C2orf66: variants seen among roughly 807,000 people sequenced by gnomAD.
C2orf66 encodes uncharacterized protein C2orf66.
Under a neutral mutation model 7.0 loss-of-function variants are expected in C2orf66, and 6 were observed. That is an observed-to-expected ratio of 0.86 (90% CI 0.47 to 1.69). The LOEUF (loss-of-function observed/expected upper bound fraction) is 1.69, where lower values mean the gene tolerates loss of function less well. Ranked by LOEUF, C2orf66 falls within the 40% of genes most tolerant of loss-of-function variation. C2orf66 has a pLI of 0.01. For missense variants in C2orf66, 107 were observed against 112.0 expected, an observed-to-expected ratio of 0.96 and a Z score of 0.20; for synonymous variants, 38 against 43.8, an observed-to-expected ratio of 0.87 and a Z score of 0.52.
At chr2:196,815,534 T>C in the C2orf66 span, among the ~76,000 whole-genome samples, 3 of 152,180 alleles carry the variant, frequency 2.0e-5, no homozygotes, top group African/African-American at 7.2e-5. Flanking sequence ...AAGGGTGTGG[T>C]AGCAGGCAAA....
At chr2:196,827,417 A>C in the C2orf66 span, among the ~76,000 whole-genome samples, 1 of 151,982 alleles carries the variant, frequency 6.6e-6, no homozygotes, top group African/African-American at 2.4e-5. Context: ...TCTTAACATA[A>C]ATTCTTTTTT....
the C2orf66 span, among the ~76,000 whole-genome samples, chr2:196,829,073 A>G: frequency 6.6e-6 from 1 of 152,190 alleles, no homozygotes; most frequent in Non-Finnish European, 1.5e-5. Context: ...ATATATGTAT[A>G]TATACATACA....
At chr2:196,806,503 G>C (rs1387922508) in intron 2 of C2orf66, among the ~76,000 whole-genome samples, 2 of 151,472 alleles carry the variant, frequency 1.3e-5, no homozygotes, top group African/African-American at 4.8e-5. Context: ...GGCCAATCAT[G>C]CTTGTTCTTT....
chr2:196,811,506 G>C (rs1040563517), upstream of C2orf66, among the ~76,000 whole-genome samples: 4 of 152,158 alleles, frequency 2.6e-5, 1 homozygote, highest in Admixed American at 2.0e-4. Flanking sequence ...CTACGGGGAG[G>C]GGGGCTAAGG....
rs556620671 is a variant in C2orf66 at position 196,806,283 on chromosome 2, C to T, written c.*20-875G>A. 5.9e-5 allele frequency among the ~76,000 whole-genome samples: 9 copies of T among 152,178 alleles called. No individual in the cohort carries two copies. In the South Asian group the frequency reaches 1.9e-3, roughly 32 times the overall value. On this transcript the variant is annotated intron_variant, in intron 2 of 2. Transcript: ENST00000342506. The stretch of plus-strand genomic sequence containing the variant: ...CGTGCTCTCAGCTCACTGCAAGCTC[C>T]ACCTCCCAGGTTCACGCCATTCTCC...
the C2orf66 span, among the ~76,000 whole-genome samples, chr2:196,828,807 C>T: frequency 6.6e-6 from 1 of 152,058 alleles, no homozygotes; most frequent in African/African-American, 2.4e-5. Flanking sequence ...TCAAGAGTCC[C>T]CGGTTGACAG....
the C2orf66 span, among the ~76,000 whole-genome samples, chr2:196,820,297 T>C: frequency 1.3e-5 from 2 of 152,182 alleles, no homozygotes; most frequent in Admixed American, 1.3e-4. Context: ...TCGGGCCCTA[T>C]TTGGTGCATC....
chr2:196,823,638 A>C, the C2orf66 span, among the ~76,000 whole-genome samples: 1 of 152,064 alleles, frequency 6.6e-6, no homozygotes, highest in African/African-American at 2.4e-5. Context: ...AACAAAACAA[A>C]ACAAAACAAA....
At chr2:196,826,963 G>A in the C2orf66 span, among the ~76,000 whole-genome samples, 4 of 151,994 alleles carry the variant, frequency 2.6e-5, no homozygotes, top group Non-Finnish European at 5.9e-5. Flanking sequence ...CCCGGTAGAC[G>A]GAGGTTGCAG....
chr2:196,826,874 T>C, the C2orf66 span, among the ~76,000 whole-genome samples: 14 of 151,588 alleles, frequency 9.2e-5, no homozygotes, highest in Non-Finnish European at 1.6e-4. Context: ...CTAATAAAAA[T>C]ACAAAAAATT....
the C2orf66 span, among the ~76,000 whole-genome samples, chr2:196,822,021 T>G: frequency 3.5e-5 from 5 of 142,160 alleles, no homozygotes; most frequent in South Asian, 2.4e-4. Context: ...TCCAAGCGAT[T>G]CTCCTGCCTC....
chr2:196,830,552 A>G, the C2orf66 span, among the ~76,000 whole-genome samples: 1 of 152,138 alleles, frequency 6.6e-6, no homozygotes, highest in East Asian at 1.9e-4. Context: ...GAGTGGTTTC[A>G]TTTGCTTCTT....
intron 1 of C2orf66, 84 bp downstream of exon 1, chr2:196,809,130 G>T: frequency 7.2e-7 from 1 of 1,386,092 alleles, no homozygotes. Flanking sequence ...TTTCCACTAC[G>T]TTCTGGAAAA....
the C2orf66 span, among the ~76,000 whole-genome samples, chr2:196,828,716 A>G: frequency 1.6e-4 from 25 of 152,200 alleles, no homozygotes; most frequent in African/African-American, 5.8e-4. Flanking sequence ...AGAGATTCAA[A>G]TGTGAAACTC....
chr2:196,822,740 G>A, the C2orf66 span, among the ~76,000 whole-genome samples: 2 of 151,900 alleles, frequency 1.3e-5, no homozygotes, highest in African/African-American at 4.8e-5. Flanking sequence ...CTCCATTAGC[G>A]GCATGCTCAT....
the C2orf66 span, among the ~76,000 whole-genome samples, chr2:196,815,684 C>A: frequency 6.6e-6 from 1 of 152,140 alleles, no homozygotes; most frequent in Non-Finnish European, 1.5e-5. Context: ...GATTGAATTA[C>A]AAATTGAAGT....
the C2orf66 span, among the ~76,000 whole-genome samples, chr2:196,816,842 A>G: frequency 6.6e-6 from 1 of 152,244 alleles, no homozygotes; most frequent in Non-Finnish European, 1.5e-5. Context: ...ACCCACCCCC[A>G]TATTTCAATG....
the C2orf66 span, among the ~76,000 whole-genome samples, chr2:196,819,307 C>T: frequency 2.6e-5 from 4 of 152,058 alleles, no homozygotes; most frequent in African/African-American, 7.2e-5. Context: ...TGGAGCCTCT[C>T]GGAGGTGATT....
rs1699807507 is a variant in C2orf66 at position 196,805,242 on chromosome 2, A to G, written c.*186T>C. The G allele has an allele frequency of 6.6e-6, 1 of 152,210 alleles. No individual in the cohort carries two copies. The highest frequency in any genetic ancestry group is 1.9e-4 in the East Asian group (1 of 5,206). 9.4% of individuals were successfully genotyped at this position (152,210 alleles called of 1,614,324 possible). A position where few individuals can be genotyped will look rare whatever the true frequency, so the allele number is the denominator to read the frequency against. ...AAAAACTCCATAAATATGCATAGAA[A>G]TCATAGTTCCAGCGATTTATATGTA... On this transcript the variant is annotated 3_prime_UTR_variant, in exon 3 of 3. Coordinates refer to ENST00000342506, the MANE Select transcript of C2orf66 (RefSeq NM_213608.3).
Sources: allele counts gnomAD v4.1 joint callset (sites outside exome capture counted in the v4.1 genomes callset), GRCh38; gene constraint gnomAD v4.1.1; transcripts MANE v1.5; gene names NCBI Gene and HGNC (gene_info 2026-07-23, HGNC 2026-07-21).